Variants in ABHD8 observed in about 807,000 individuals in gnomAD.
The protein encoded by ABHD8 is abhydrolase domain containing 8.
A neutral mutation model predicts 29.3 loss-of-function variants in ABHD8; 10 were observed. That is an observed-to-expected ratio of 0.34 (90% CI 0.21 to 0.58). ABHD8 has a LOEUF of 0.58. ABHD8 is among the 20% of genes least tolerant of loss of function. The pLI, the probability that ABHD8 is intolerant of heterozygous loss-of-function variation, is 0.85. For missense variants in ABHD8, 556 were observed against 615.3 expected (o/e 0.90, Z 1.02); for synonymous variants, 282 against 274.6 (o/e 1.03, Z -0.27).
chr19:17,298,735 C>CT (rs34731394), intron 2 of ABHD8, among the ~76,000 whole-genome samples: 6,662 of 70,784 alleles, frequency 0.094, 169 homozygotes, highest in East Asian at 0.11. Context: ...AACAACACTG[C>CT]TTTTTTTTTT....
At chr19:17,293,197 G>A (rs1264139605) in intron 4 of ABHD8, among the ~76,000 whole-genome samples, 1 of 150,388 alleles carries the variant, frequency 6.6e-6, no homozygotes, top group African/African-American at 2.4e-5. Context: ...CCGGCTTCAA[G>A]CGATTCTCTT....
In ABHD8 at chr19:17,294,727, G is replaced by A; in HGVS notation, c.880C>T (p.Pro294Ser). Reference sequence around the variant, plus strand: ...GACAAGCAGTGCAGGACGCAGGTGGGCATGTTGAAGATTGAGCAGAAGCTG... The same window carrying A: ...GACAAGCAGTGCAGGACGCAGGTGGACATGTTGAAGATTGAGCAGAAGCTG... Reference protein sequence around the residue: ...EPSFCSIFNMPTCVLHCLSPC... With the variant: ...EPSFCSIFNMSTCVLHCLSPC... The change falls in exon 3 of 5, where the codon CCC (proline) becomes TCC (serine). Residue 294 changes from proline (P) to serine (S), a missense_variant. Around this residue, in one of 2 missense-constraint regions of ABHD8, gnomAD observed 270 missense variants for 353.9 expected, o/e 0.76. Transcript: ENST00000247706. The A allele has an allele frequency of 1.2e-6, 2 of 1,614,178 alleles. No individual in the cohort carries two copies. The highest frequency in any genetic ancestry group is 1.7e-6 in the Non-Finnish European group (2 of 1,180,042).
intron 2 of ABHD8, among the ~76,000 whole-genome samples, chr19:17,295,652 C>T (rs377766982): frequency 1.4e-4 from 21 of 152,030 alleles, no homozygotes; most frequent in African/African-American, 4.6e-4. Context: ...AAGTGATCCA[C>T]CCACCTTGGC....
At chr19:17,294,563 C>T (rs531189672) in intron 3 of ABHD8, 59 bp from the exon 4 acceptor site, 82 of 1,609,172 alleles carry the variant, frequency 5.1e-5, no homozygotes, top group Non-Finnish European at 6.9e-5. Context: ...CCGTGGGGTG[C>T]CCCCGATGCC....
intron 2 of ABHD8, chr19:17,298,135 G>A (rs1251716002): frequency 4.0e-5 from 6 of 151,470 alleles, no homozygotes; most frequent in Non-Finnish European, 7.4e-5. Context: ...AGCCAGGATG[G>A]TCTTGATCTC....
chr19:17,298,326 A>G (rs901792825), intron 2 of ABHD8: 1 of 152,294 alleles, frequency 6.6e-6, no homozygotes, highest in African/African-American at 2.4e-5. Flanking sequence ...GAATGAGGCC[A>G]CTTGGTAGTG....
Position 17,301,686 on chromosome 19 carries a change from C to G in ABHD8, c.-8-62G>C, listed in dbSNP as rs891822402. 30 of 1,455,262 alleles carry G rather than the reference C, an allele frequency of 2.1e-5. No individual in the cohort carries two copies. In the African/African-American group the frequency reaches 4.2e-4, roughly 20 times the overall value. The allele number at this position is 1,455,262 out of a possible 1,614,324, so 90.1% of individuals were successfully genotyped here. The stretch of plus-strand genomic sequence containing the variant: ...TCAATGAGAACCCTGCACCGTGCAG[C>G]AGGCACTCCCTGAGCCTTGGGAGAA... On this transcript the variant is annotated intron_variant, in intron 1 of 4. Coordinates refer to ENST00000247706, the MANE Select transcript of ABHD8 (RefSeq NM_024527.5).
At chr19:17,301,776 TTGTGTGTG>T (rs10679164) in intron 1 of ABHD8, among the ~76,000 whole-genome samples, 152 bp from the exon 2 acceptor site, 41 of 147,464 alleles carry the variant, frequency 2.8e-4, no homozygotes, top group Admixed American at 1.0e-3. Context: ...ATTTTTTTGT[TTGTGTGTG>T]TGTGTGTGTG....
rs1435203150 is a variant in ABHD8 at position 17,301,023 on chromosome 19, AAAG to A, written c.591_593del (p.Phe198del). Reference sequence around the variant, plus strand: ...CCACCACCTCATAGCCTAGGCGCACAAAGAAGTCCAGCTGCTCCTTCCAGATGG... The same window carrying A: ...CCACCACCTCATAGCCTAGGCGCACAAAGTCCAGCTGCTCCTTCCAGATGG... On this transcript the variant is annotated inframe_deletion, in exon 2 of 5. Coordinates refer to ENST00000247706, the MANE Select transcript of ABHD8 (RefSeq NM_024527.5). 2 of 1,613,510 alleles carry A rather than the reference AAAG, an allele frequency of 1.2e-6. No homozygotes were observed. Among genetic ancestry groups the A allele is most frequent in the East Asian group, 2.2e-5 (1 of 44,890 alleles).
intron 4 of ABHD8, 75 bp from the exon 5 acceptor site, chr19:17,292,906 C>CAT (rs2074077466): frequency 4.0e-6 from 6 of 1,492,286 alleles, no homozygotes; most frequent in Non-Finnish European, 5.4e-6. Context: ...GGGACTCCGC[C>CAT]ATACACACAT....
chr19:17,301,829 T>C (rs1306459313), intron 1 of ABHD8, among the ~76,000 whole-genome samples: 2 of 151,924 alleles, frequency 1.3e-5, no homozygotes, highest in Non-Finnish European at 2.9e-5. Flanking sequence ...AGTCTCGCTT[T>C]GTCATCCAGG....
Position 17,301,213 on chromosome 19 carries a change from C to T in ABHD8, c.404G>A (p.Ser135Asn). 6.3e-7 allele frequency: 1 copy of T among 1,595,314 alleles called. No individual in the cohort carries two copies. Among genetic ancestry groups the T allele is most frequent in the Non-Finnish European group, 8.5e-7 (1 of 1,174,064 alleles). The stretch of plus-strand genomic sequence containing the variant: ...GCCACTGCCGCTGCCGCTGCCTGCG[C>T]TGCCGGGGGCCAAGCGGCCATCGCT... ...AGSDGRLAPGSAGSGSGSGSG... is the reference protein window; with the variant it reads ...AGSDGRLAPGNAGSGSGSGSG... Residue 135 changes from serine to asparagine, a missense_variant, in exon 2 of 5, where the codon AGC becomes AAC. Physicochemically the swap from Ser to Asn is conservative, Grantham distance 46 (BLOSUM62 1). Coordinates refer to ENST00000247706, the MANE Select transcript of ABHD8 (RefSeq NM_024527.5).
intron 1 of ABHD8, among the ~76,000 whole-genome samples, 171 bp from the exon 2 acceptor site, chr19:17,301,795 T>TGG (rs1201386521): frequency 4.6e-5 from 7 of 151,674 alleles, no homozygotes; most frequent in Non-Finnish European, 1.0e-4. Flanking sequence ...TGTGTGTGTG[T>TGG]GTGTGTGTGT....
At position 17,301,415 on chromosome 19, in the gene ABHD8, C is replaced by A; in HGVS notation, c.202G>T (p.Ala68Ser). The change falls in exon 2 of 5, where the codon GCC becomes TCC. Residue 68 changes from alanine (A) to serine (S), a missense_variant. By Grantham distance (99) the Ala-to-Ser change is moderately conservative (BLOSUM62 1). Coordinates refer to ENST00000247706, the MANE Select transcript of ABHD8 (RefSeq NM_024527.5). ...PPPSSASSDAAQGDLSGLVRC... is the reference protein window; with the variant it reads ...PPPSSASSDASQGDLSGLVRC... ...ACCAAGCCGGAGAGGTCCCCCTGGG[C>A]TGCATCCGAGGATGCGGATGATGGT... The A allele has an allele frequency of 6.2e-7, 1 of 1,612,114 alleles. No individual in the cohort carries two copies. Among genetic ancestry groups the A allele is most frequent in the Non-Finnish European group, 8.5e-7 (1 of 1,179,894 alleles).
At chr19:17,295,737 C>T (rs193062408) in intron 2 of ABHD8, among the ~76,000 whole-genome samples, 3 of 152,200 alleles carry the variant, frequency 2.0e-5, no homozygotes, top group African/African-American at 4.8e-5. Context: ...GACAAGGTTT[C>T]GCTGTCGCCT....
Position 17,294,700 on chromosome 19 carries a change from G to A in ABHD8, c.907C>T (p.Pro303Ser), listed in dbSNP as rs1284611987. ...MPTCVLHCLS[P>S]CLAWSFLKAG... is the part of the protein sequence containing the mutation. ...TTGAGGAAGCTCCAGGCCAGGCAGG[G>A]CGACAAGCAGTGCAGGACGCAGGTG... The change falls in exon 3 of 5, where the codon CCC (proline) becomes TCC (serine). Residue 303 changes from proline (P) to serine (S), a missense_variant. By Grantham distance (74) the Pro-to-Ser change is moderately conservative. This residue lies in a region of ABHD8 where 270 missense variants were observed against 353.9 expected (regional missense o/e 0.76). Transcript: ENST00000247706. 6.2e-7 allele frequency: 1 copy of A among 1,613,970 alleles called. No homozygotes were observed. Among genetic ancestry groups the A allele is most frequent in the African/African-American group, 1.3e-5 (1 of 74,936 alleles).
chr19:17,295,090 A>AT (rs779607230), intron 2 of ABHD8, among the ~76,000 whole-genome samples: 3,005 of 80,338 alleles, frequency 0.037, 430 homozygotes, highest in East Asian at 0.1. Flanking sequence ...CACCCAGGTA[A>AT]TTTTTTTTTT....
chr19:17,294,180 A>G lies in ABHD8; in HGVS notation c.1149+108T>C, dbSNP rs570862021. On this transcript the variant is annotated intron_variant, in intron 4 of 4. Coordinates refer to ENST00000247706, the MANE Select transcript of ABHD8 (RefSeq NM_024527.5). ...CACCCGGCAGCCACGCCCCCTCGGG[A>G]AGAAAGCACGCCCACCAAGCGCTAC... 3.9e-5 allele frequency: 53 copies of G among 1,369,992 alleles called. No individual in the cohort carries two copies. In the African/African-American group the frequency reaches 7.4e-4, roughly 19 times the overall value. The allele number at this position is 1,369,992 out of a possible 1,614,324, so 84.9% of individuals were successfully genotyped here.
Position 17,294,339 on chromosome 19 carries a change from G to C in ABHD8, c.1098C>G (p.His366Gln), listed in dbSNP as rs1261497158. 1 of 1,612,556 alleles carries C rather than the reference G, an allele frequency of 6.2e-7. No individual in the cohort carries two copies. ...AELTVPVLLV[H>Q]GMHDKFVPVE... is the part of the protein sequence containing the mutation. ...CCGGCACAAACTTATCGTGCATGCC[G>C]TGGACAAGCAGGACGGGCACGGTGA... The change falls in exon 4 of 5, where the codon CAC becomes CAG. Residue 366 changes from histidine (H) to glutamine (Q), a missense_variant. Physicochemically the swap from His to Gln is conservative, Grantham distance 24. Around this residue, in one of 2 missense-constraint regions of ABHD8, gnomAD observed 270 missense variants for 353.9 expected, o/e 0.76. Coordinates refer to ENST00000247706, the MANE Select transcript of ABHD8 (RefSeq NM_024527.5).
Sources: gnomAD v4.1 joint callset for allele counts (sites outside exome capture counted in the v4.1 genomes callset) on GRCh38, gnomAD v4.1.1 for gene constraint, gnomAD v4.1.1 regional missense constraint, MANE v1.5 for transcripts, NCBI Gene and HGNC (gene_info 2026-07-23, HGNC 2026-07-21) for gene names.